Variants in TMEM267 observed in about 807,000 individuals in gnomAD.
The protein encoded by TMEM267 is transmembrane protein C5orf28.
In TMEM267, 20 loss-of-function variants were observed where a neutral mutation model predicts 19.3. The observed-to-expected ratio is 1.04, with a 90% CI of 0.73 to 1.51. TMEM267 has a LOEUF of 1.51. TMEM267 is among the 40% of genes most tolerant of loss of function. The probability of loss-of-function intolerance (pLI) is 0.00; values close to 1 mark genes in which losing one functional copy is unlikely to be tolerated. For missense variants in TMEM267, 242 were observed against 261.9 expected, an observed-to-expected ratio of 0.92 and a Z score of 0.52; for synonymous variants, 88 against 90.3, an observed-to-expected ratio of 0.97 and a Z score of 0.15.
At position 43,473,486 on chromosome 5, in the gene TMEM267, T is replaced by C. The variant is rs201588745; in HGVS notation, c.-75+10336A>G. 5.9e-5 allele frequency among the ~76,000 whole-genome samples: 9 copies of C among 152,294 alleles called. No homozygotes were observed. The East Asian group carries it at 1.5e-3, about 26-fold the overall frequency. On this transcript the variant is annotated intron_variant, in intron 1 of 2. Coordinates refer to ENST00000397080, the MANE Select transcript of TMEM267 (RefSeq NM_022483.5). ...AACAGACAAACAGAGAGCCAAATCA[T>C]GAGTGAACTCCCATTCACAATTGCT...
At chr5:43,474,810 G>A (rs1404399354) in intron 1 of TMEM267, among the ~76,000 whole-genome samples, 2 of 149,162 alleles carry the variant, frequency 1.3e-5, no homozygotes, top group Non-Finnish European at 3.0e-5. Flanking sequence ...CTGGTCATTA[G>A]AGATATGCAA....
rs1443250640 is a variant in TMEM267, at chr5:43,482,385, TAC to T, written c.-75+1435_-75+1436del. On this transcript the variant is annotated intron_variant, in intron 1 of 2. Coordinates refer to ENST00000397080, the MANE Select transcript of TMEM267 (RefSeq NM_022483.5). ...TGTATTACTTATTGTCTCTGAATAA[TAC>T]ACCTAAGGGTACCCATTTTTCTTCT... Among the ~76,000 whole-genome samples the T allele has an allele frequency of 4.6e-5, 7 of 152,316 alleles. No individual in the cohort carries two copies. In the South Asian group the frequency reaches 1.4e-3, roughly 32 times the overall value.
chr5:43,460,384 G>A (rs1183339722), intron 1 of TMEM267, among the ~76,000 whole-genome samples: 1 of 151,950 alleles, frequency 6.6e-6, no homozygotes, highest in Admixed American at 6.6e-5. Flanking sequence ...TTGAATTAGG[G>A]AGGCAGAGCA....
At chr5:43,455,166 G>T (rs866492015) in intron 1 of TMEM267, among the ~76,000 whole-genome samples, 2 of 152,136 alleles carry the variant, frequency 1.3e-5, no homozygotes, top group Middle Eastern at 3.2e-3. Flanking sequence ...GCTTACACCT[G>T]TAATCCCAAC....
rs71610311 is a variant in TMEM267, at chr5:43,473,139, C to CAAAAA, written c.-75+10678_-75+10682dup. Reference sequence around the variant, plus strand: ...GACTACAGAGCGAGACTCCGTGTCACAAAAAAAAAAAAAAAAAAAAAATAG... The same window carrying CAAAAA: ...GACTACAGAGCGAGACTCCGTGTCACAAAAAAAAAAAAAAAAAAAAAAAAAAATAG... On this transcript the variant is annotated intron_variant, in intron 1 of 2. Transcript: ENST00000397080. Among the ~76,000 whole-genome samples, 90 of 84,046 alleles carry CAAAAA rather than the reference C, an allele frequency of 1.1e-3. 1 individual carries two copies. Among genetic ancestry groups the CAAAAA allele is most frequent in the African/African-American group, 1.6e-3 (35 of 21,800 alleles). The allele number at this position is 84,046 out of a possible 152,430, so 55.1% of individuals were successfully genotyped here.
At chr5:43,468,282 T>C (rs534087257) in intron 1 of TMEM267, among the ~76,000 whole-genome samples, 29 of 152,308 alleles carry the variant, frequency 1.9e-4, no homozygotes, top group Non-Finnish European at 1.5e-4. Context: ...ATCAATCAGA[T>C]GAATTCCTGG....
intron 1 of TMEM267, chr5:43,476,266 T>G (rs535461385): frequency 5.2e-5 from 8 of 152,398 alleles, no homozygotes; most frequent in Admixed American, 2.6e-4. Context: ...AAACTAGGGT[T>G]GGTGAGAGGC....
intron 1 of TMEM267, among the ~76,000 whole-genome samples, chr5:43,483,292 AGTTCCCAGACATCCT>A (rs1185446615): frequency 1.3e-5 from 2 of 152,242 alleles, no homozygotes; most frequent in African/African-American, 4.8e-5. Context: ...AAGCCTCAGA[AGTTCCCAGACATCCT>A]TTTCTGAGTC....
intron 1 of TMEM267, among the ~76,000 whole-genome samples, chr5:43,463,119 T>C (rs1298077081): frequency 1.3e-5 from 2 of 151,978 alleles, no homozygotes; most frequent in Non-Finnish European, 2.9e-5. Flanking sequence ...CACCACTGAT[T>C]CCACAGAAAT....
At position 43,444,516 on chromosome 5, in the gene TMEM267, C is replaced by G. The variant is rs1332115567; in HGVS notation, c.*1706G>C. 6.6e-6 allele frequency: 1 copy of G among 152,244 alleles called. No homozygotes were observed. The highest frequency in any genetic ancestry group is 1.5e-5 in the Non-Finnish European group (1 of 68,068). 9.4% of individuals were successfully genotyped at this position (152,244 alleles called of 1,614,324 possible). On this transcript the variant is annotated 3_prime_UTR_variant, in exon 3 of 3. Transcript: ENST00000397080. ...TCTCGAACTCCTGACCTCAAGTGAC[C>G]TGCCTGCCTCGGCCTCCCAAAGTGT...
chr5:43,451,713 A>G (rs1742599745), intron 2 of TMEM267, among the ~76,000 whole-genome samples: 1 of 152,230 alleles, frequency 6.6e-6, no homozygotes, highest in Admixed American at 6.5e-5. Context: ...AACTAAAAAT[A>G]GAACTACCCT....
intron 1 of TMEM267, among the ~76,000 whole-genome samples, chr5:43,464,238 C>G (rs933852198): frequency 3.3e-5 from 5 of 151,740 alleles, no homozygotes; most frequent in Non-Finnish European, 5.9e-5. Flanking sequence ...CCTAGGAATC[C>G]AACTTACAAG....
rs1451125640 is a variant in TMEM267, at chr5:43,445,102, C to A, written c.*1120G>T. On this transcript the variant is annotated 3_prime_UTR_variant, in exon 3 of 3. Transcript: ENST00000397080. ...TATATGCCACAAAGAAAAGCAGGTA[C>A]CTTTAGGGCACTGACTTTAATAAAC... 2.0e-5 allele frequency: 3 copies of A among 152,048 alleles called. No homozygotes were observed. Among genetic ancestry groups the A allele is most frequent in the Non-Finnish European group, 2.9e-5 (2 of 68,008 alleles). The allele number at this position is 152,048 out of a possible 1,614,324, so 9.4% of individuals were successfully genotyped here. A position where few individuals can be genotyped will look rare whatever the true frequency, so the allele number is the denominator to read the frequency against.
chr5:43,471,583 A>T (rs763074320), intron 1 of TMEM267, among the ~76,000 whole-genome samples: 2 of 152,074 alleles, frequency 1.3e-5, no homozygotes, highest in African/African-American at 4.8e-5. Context: ...TGGTTCTGAC[A>T]TAAAAACAGA....
Position 43,446,174 on chromosome 5 carries a change from T to C in TMEM267, c.*48A>G. 8.4e-7 allele frequency: 1 copy of C among 1,191,902 alleles called. No individual in the cohort carries two copies. The highest frequency in any genetic ancestry group is 1.5e-5 in the African/African-American group (1 of 65,640). The allele number at this position is 1,191,902 out of a possible 1,614,324, so 73.8% of individuals were successfully genotyped here. A position where few individuals can be genotyped will look rare whatever the true frequency, so the allele number is the denominator to read the frequency against. On this transcript the variant is annotated 3_prime_UTR_variant, in exon 3 of 3. Coordinates refer to ENST00000397080, the MANE Select transcript of TMEM267 (RefSeq NM_022483.5). ...AATTAACTTTAATGTTGGCTACTCT[T>C]AATTATCATCATCTGAGCCATTTGC... is the stretch of plus-strand genomic sequence containing the variant.
intron 1 of TMEM267, chr5:43,476,002 T>C (rs1044648793): frequency 6.6e-6 from 1 of 152,200 alleles, no homozygotes; most frequent in African/African-American, 2.4e-5. Flanking sequence ...CTGTTGGCTA[T>C]AGGAGACATT....
chr5:43,474,969 C>T (rs752024171), intron 1 of TMEM267, among the ~76,000 whole-genome samples: 88 of 152,170 alleles, frequency 5.8e-4, no homozygotes, highest in Non-Finnish European at 1.0e-3. Flanking sequence ...GACAGTGTGG[C>T]GATTCCTCAA....
At chr5:43,472,829 G>A (rs1744165741) in intron 1 of TMEM267, among the ~76,000 whole-genome samples, 1 of 145,762 alleles carries the variant, frequency 6.9e-6, no homozygotes, top group Non-Finnish European at 1.5e-5. Context: ...GGGAGGTGGG[G>A]ATGGTTTATG....
chr5:43,475,800 G>A (rs1461896146), intron 1 of TMEM267, among the ~76,000 whole-genome samples: 1 of 152,060 alleles, frequency 6.6e-6, no homozygotes, highest in African/African-American at 2.4e-5. Flanking sequence ...ATCATAAGAT[G>A]GGAAAATGAA....
Sources: gnomAD v4.1 joint callset for allele counts (sites outside exome capture counted in the v4.1 genomes callset) on GRCh38, gnomAD v4.1.1 for gene constraint, MANE v1.5 for transcripts, NCBI Gene and HGNC (gene_info 2026-07-23, HGNC 2026-07-21) for gene names.